The following ABCA12 variants were observed in gnomAD, a reference collection of about 807,000 sequenced individuals.
The protein encoded by ABCA12 is ATP binding cassette subfamily A member 12, also known as glucosylceramide transporter ABCA12.
Under a neutral mutation model 293.5 loss-of-function variants are expected in ABCA12, and 156 were observed. The ratio of observed to expected loss-of-function variants is 0.53; its 90% CI spans 0.47 to 0.61. ABCA12 has a LOEUF of 0.61. Ranked by LOEUF, ABCA12 falls within the 20% of genes least tolerant of loss-of-function variation. The pLI is 0.00. For missense variants in ABCA12, 2,797 were observed against 3,090.2 expected, an observed-to-expected ratio of 0.91 and a Z score of 2.25; for synonymous variants, 1,063 against 1,108.0, an observed-to-expected ratio of 0.96 and a Z score of 0.81.
In ABCA12 at chr2:215,054,635, T is replaced by G. The variant is rs767061614; in HGVS notation, c.347A>C (p.Asp116Ala). The G allele has an allele frequency of 6.2e-7, 1 of 1,611,990 alleles. No homozygotes were observed. The highest frequency in any genetic ancestry group is 8.5e-7 in the Non-Finnish European group (1 of 1,178,546). The change falls in exon 4 of 53, where the codon GAT becomes GCT. Residue 116 changes from aspartate (D) to alanine (A), a missense_variant. This residue lies in a region of ABCA12 where 656 missense variants were observed against 638.2 expected (regional missense o/e 1.03). Coordinates refer to ENST00000272895, the MANE Select transcript of ABCA12 (RefSeq NM_173076.3). ...CTGGAATGATAAACTGCTGTCCTTA[T>G]CCAGGTTGGATGACTTTCTCAGAAT... ...SEILRKSSNL[D>A]KDSSLSFQST... is the part of the protein sequence containing the mutation.
chr2:214,951,173 CAGTGTACT>C, intron 44 of ABCA12, 90 bp from the exon 45 acceptor site: 1 of 1,128,262 alleles, frequency 8.9e-7, no homozygotes, highest in South Asian at 1.2e-5. Flanking sequence ...ATGTCACTAA[CAGTGTACT>C]AGTCATCATT....
intron 2 of ABCA12, among the ~76,000 whole-genome samples, chr2:215,097,504 CT>C (rs2106113261): frequency 6.6e-6 from 1 of 152,204 alleles, no homozygotes; most frequent in African/African-American, 2.4e-5. Context: ...TAAATATTTG[CT>C]TAACAAATAG....
rs941260554 is a variant in ABCA12, at chr2:214,939,320, A to T, written c.7437-1705T>A. 4.5e-4 allele frequency among the ~76,000 whole-genome samples: 68 copies of T among 152,044 alleles called. 1 individual carries two copies. Among genetic ancestry groups the T allele is most frequent in the Non-Finnish European group, 4.4e-5 (3 of 68,004 alleles). On this transcript the variant is annotated intron_variant, in intron 50 of 52. Coordinates refer to ENST00000272895, the MANE Select transcript of ABCA12 (RefSeq NM_173076.3). ...GGCCTCTGTTCTGTTCCATTGGTCTATATATGTGTTTTGGTACCAGTATCA... is the reference window on the plus strand; with the variant it reads ...GGCCTCTGTTCTGTTCCATTGGTCTTTATATGTGTTTTGGTACCAGTATCA...
At chr2:215,053,771 T>G (rs1274867987) in intron 4 of ABCA12, among the ~76,000 whole-genome samples, 1 of 152,094 alleles carries the variant, frequency 6.6e-6, no homozygotes, top group African/African-American at 2.4e-5. Flanking sequence ...GGAATCTTGT[T>G]TTGTTCACTA....
chr2:214,995,582 A>C (rs184653935), intron 23 of ABCA12, among the ~76,000 whole-genome samples: 6 of 152,300 alleles, frequency 3.9e-5, no homozygotes, highest in African/African-American at 9.6e-5. Flanking sequence ...TTCTGAGCTG[A>C]ACCTTACATC....
rs768238682 is a variant in ABCA12 at position 214,995,860 on chromosome 2, A to T, written c.3294+1835T>A. ...AAAAAGGGGGGAAAATCAATGTCTT[A>T]GAATTGATAAAATATGAATAATTGA... On this transcript the variant is annotated intron_variant, in intron 23 of 52. Transcript: ENST00000272895. Among the ~76,000 whole-genome samples, 98 of 152,188 alleles carry T rather than the reference A, an allele frequency of 6.4e-4. 1 individual carries two copies. The highest frequency in any genetic ancestry group is 2.5e-4 in the Non-Finnish European group (17 of 68,034).
chr2:215,099,936 A>AT (rs1249146877), intron 2 of ABCA12, among the ~76,000 whole-genome samples: 1 of 152,048 alleles, frequency 6.6e-6, no homozygotes. Context: ...CAATGTTTCC[A>AT]TTACTACAGG....
At position 215,044,287 on chromosome 2, in the gene ABCA12, G is replaced by A. The variant is rs564587484; in HGVS notation, c.872+1550C>T. 7.1e-4 allele frequency among the ~76,000 whole-genome samples: 108 copies of A among 152,134 alleles called. 1 individual carries two copies. The highest frequency in any genetic ancestry group is 8.3e-4 in the South Asian group (4 of 4,818). The stretch of plus-strand genomic sequence containing the variant: ...CCATGCTAACTTGTAATATATGACC[G>A]CTTCAGTTGCTCTATGTTCTTGCTA... On this transcript the variant is annotated intron_variant, in intron 7 of 52. Transcript: ENST00000272895.
At chr2:214,991,103 T>G in intron 23 of ABCA12, 72 bp from the exon 24 acceptor site, 2 of 1,322,612 alleles carry the variant, frequency 1.5e-6, no homozygotes, top group Non-Finnish European at 2.2e-6. Context: ...CCCTGTATTA[T>G]GTCAAAATGT....
In ABCA12 at chr2:214,975,973, A is replaced by G. The variant is rs1699507044; in HGVS notation, c.5193T>C (p.Ala1731=). The G allele has an allele frequency of 1.2e-6, 2 of 1,613,998 alleles. No homozygotes were observed. The highest frequency in any genetic ancestry group is 1.7e-6 in the Non-Finnish European group (2 of 1,180,016). The change falls in exon 34 of 53, where the codon GCT becomes GCC. Residue 1731 remains alanine (A), a synonymous_variant. Coordinates refer to ENST00000272895, the MANE Select transcript of ABCA12 (RefSeq NM_173076.3). ...TGTGGTGGAACCTCTTGATGAGTAT[A>G]GCCATGATCTTCTTCAGCAACAGTC... ...GFGLLLKKIM[A]ILIKRFHHTR...
intron 3 of ABCA12, among the ~76,000 whole-genome samples, chr2:215,059,948 A>G (rs965193507): frequency 2.0e-5 from 3 of 151,958 alleles, no homozygotes; most frequent in African/African-American, 7.2e-5. Context: ...ACATTCTGCT[A>G]TTCTGGTAAC....
intron 4 of ABCA12, among the ~76,000 whole-genome samples, chr2:215,053,272 T>C (rs1353061121): frequency 6.6e-6 from 1 of 152,094 alleles, no homozygotes; most frequent in Non-Finnish European, 1.5e-5. Context: ...AGCCAGTATA[T>C]TGACCTTTAT....
At chr2:215,011,353 AT>A in intron 17 of ABCA12, 85 bp downstream of exon 17, 1 of 1,020,392 alleles carries the variant, frequency 9.8e-7, no homozygotes, top group Non-Finnish European at 1.5e-6. Flanking sequence ...TTAATACTTC[AT>A]TTATCATAAA....
At chr2:214,974,165 ATT>A in intron 35 of ABCA12, 123 bp from the exon 36 acceptor site, 1 of 896,240 alleles carries the variant, frequency 1.1e-6, no homozygotes, top group Admixed American at 2.0e-5. Context: ...CAATTTACTG[ATT>A]TTTCATAACT....
intron 2 of ABCA12, among the ~76,000 whole-genome samples, chr2:215,084,126 T>A (rs1362221390): frequency 6.6e-6 from 1 of 152,102 alleles, no homozygotes; most frequent in Admixed American, 6.6e-5. Context: ...TACAGACACG[T>A]ACCACCACAC....
chr2:215,062,821 C>A (rs1429659158), intron 3 of ABCA12, among the ~76,000 whole-genome samples: 1 of 152,018 alleles, frequency 6.6e-6, no homozygotes. Context: ...ATAATTTCTA[C>A]CTGTTAAACT....
intron 19 of ABCA12, among the ~76,000 whole-genome samples, chr2:215,005,124 G>C (rs1700225456): frequency 1.3e-5 from 2 of 152,018 alleles, no homozygotes; most frequent in African/African-American, 4.8e-5. Flanking sequence ...TTCTCACTTT[G>C]TTTACAACAA....
chr2:215,098,331 T>C (rs1311662502), intron 2 of ABCA12, among the ~76,000 whole-genome samples: 1 of 152,204 alleles, frequency 6.6e-6, no homozygotes, highest in Admixed American at 6.5e-5. Flanking sequence ...CATAGAATCC[T>C]TCTGGGTGGT....
chr2:215,097,938 A>G (rs75507647), intron 2 of ABCA12, among the ~76,000 whole-genome samples: 9,069 of 152,238 alleles, frequency 0.06, 883 homozygotes, highest in African/African-American at 0.2. Context: ...TGTAACCTGC[A>G]TAACAAAGTT....
Sources: allele counts gnomAD v4.1 joint callset (sites outside exome capture counted in the v4.1 genomes callset), GRCh38; gene constraint gnomAD v4.1.1; regional missense constraint gnomAD v4.1.1; transcripts MANE v1.5; gene names NCBI Gene and HGNC (gene_info 2026-07-23, HGNC 2026-07-21).